Variants in PLSCR4 observed in about 807,000 individuals in gnomAD.
The protein encoded by PLSCR4 is Ca(2+)-dependent phospholipid scramblase 4.
A neutral mutation model predicts 36.3 loss-of-function variants in PLSCR4; 25 were observed. That is an observed-to-expected ratio of 0.69 (90% CI 0.50 to 0.96). The LOEUF (loss-of-function observed/expected upper bound fraction) is 0.96, where lower values mean the gene tolerates loss of function less well. Among genes scored for constraint, PLSCR4 ranks in the 40% least tolerant of loss-of-function variants. The probability of loss-of-function intolerance (pLI) is 0.00; values close to 1 mark genes in which losing one functional copy is unlikely to be tolerated. For synonymous variants in PLSCR4, 122 were observed against 132.9 expected (o/e 0.92, Z 0.56); for missense variants, 408 against 414.7 (o/e 0.98, Z 0.14).
At chr3:146,196,835 T>C (rs768059608) in intron 6 of PLSCR4, 42 bp from the exon 7 acceptor site, 4 of 1,563,018 alleles carry the variant, frequency 2.6e-6, no homozygotes, top group Non-Finnish European at 3.5e-6. Context: ...GCTACATGCA[T>C]ACACATACAC....
At chr3:146,233,836 C>T (rs1300692984) in intron 1 of PLSCR4, among the ~76,000 whole-genome samples, 3 of 152,108 alleles carry the variant, frequency 2.0e-5, no homozygotes, top group African/African-American at 7.2e-5. Context: ...TAGTTGCTGC[C>T]TTCTCCTTCA....
intron 1 of PLSCR4, among the ~76,000 whole-genome samples, chr3:146,243,334 T>C (rs1197502006): frequency 6.6e-6 from 1 of 152,068 alleles, no homozygotes; most frequent in Non-Finnish European, 1.5e-5. Flanking sequence ...TGATCCTGAC[T>C]ATGCTCCAAA....
chr3:146,206,203 C>T (rs1399913741), intron 4 of PLSCR4, among the ~76,000 whole-genome samples: 2 of 152,012 alleles, frequency 1.3e-5, no homozygotes, highest in Non-Finnish European at 2.9e-5. Flanking sequence ...TAACTGTTTA[C>T]TTCTAAGCAA....
At position 146,193,369 on chromosome 3, in the gene PLSCR4, T is replaced by C. The variant is rs1352407840; in HGVS notation, c.*1042A>G. The C allele has an allele frequency of 6.6e-6, 1 of 152,146 alleles. No individual in the cohort carries two copies. The highest frequency in any genetic ancestry group is 1.5e-5 in the Non-Finnish European group (1 of 68,012). The allele number at this position is 152,146 out of a possible 1,614,324, so 9.4% of individuals were successfully genotyped here. A position where few individuals can be genotyped will look rare whatever the true frequency, so the allele number is the denominator to read the frequency against. On this transcript the variant is annotated 3_prime_UTR_variant, in exon 9 of 9. Coordinates refer to ENST00000354952, the MANE Select transcript of PLSCR4 (RefSeq NM_020353.3). ...TTTTTATAAAGTGCTACATAAAATG[T>C]CATATTTCCAAATTTAAAAACATAA...
chr3:146,226,519 T>A (rs919480639), intron 1 of PLSCR4, among the ~76,000 whole-genome samples: 13 of 152,346 alleles, frequency 8.5e-5, no homozygotes, highest in African/African-American at 3.1e-4. Context: ...GGCAAACTTT[T>A]AACAACTGCT....
intron 3 of PLSCR4, among the ~76,000 whole-genome samples, chr3:146,216,873 G>T (rs1275352409): frequency 6.6e-6 from 1 of 152,038 alleles, no homozygotes; most frequent in Admixed American, 6.5e-5. Context: ...GTGGTCTGGG[G>T]TCAACCAATA....
intron 7 of PLSCR4, among the ~76,000 whole-genome samples, chr3:146,196,051 C>T (rs1281839875): frequency 1.3e-5 from 2 of 152,090 alleles, no homozygotes; most frequent in Non-Finnish European, 2.9e-5. Flanking sequence ...CTGTGTCAGA[C>T]TCGTAGGGTA....
chr3:146,238,213 A>C (rs1332844397), intron 1 of PLSCR4, among the ~76,000 whole-genome samples: 2 of 151,846 alleles, frequency 1.3e-5, no homozygotes, highest in East Asian at 3.9e-4. Context: ...ACAAAAAAAA[A>C]AACCCAGGTA....
rs1559896159 is a variant in PLSCR4 at position 146,196,614 on chromosome 3, A to G, written c.786+18T>C. On this transcript the variant is annotated intron_variant, in intron 7 of 8. Coordinates refer to ENST00000354952, the MANE Select transcript of PLSCR4 (RefSeq NM_020353.3). ...GAGTAGGAAAAATATCAGAAACACT[A>G]TTTTTACATAGTTTCACCTCAAAAA... 1 of 1,612,468 alleles carries G rather than the reference A, an allele frequency of 6.2e-7. No homozygotes were observed. The highest frequency in any genetic ancestry group is 1.1e-5 in the South Asian group (1 of 91,038).
rs151254952 is a variant in PLSCR4, at chr3:146,220,653, T to A, written c.118+162A>T. 6.0e-4 allele frequency among the ~76,000 whole-genome samples: 91 copies of A among 152,356 alleles called. 2 individuals are homozygous for A. In the East Asian group the frequency reaches 0.017, roughly 28 times the overall value. On this transcript the variant is annotated intron_variant, in intron 3 of 8. Transcript: ENST00000354952. ...CCTGTAAATCCTATGGCTACAGGAA[T>A]ATATTCTAACTGACATATAGTAAAC...
intron 7 of PLSCR4, 110 bp from the exon 8 acceptor site, chr3:146,195,392 A>G: frequency 3.4e-6 from 3 of 878,612 alleles, no homozygotes; most frequent in Non-Finnish European, 5.3e-6. Context: ...AGACTATGTA[A>G]TTATATAATT....
intron 1 of PLSCR4, among the ~76,000 whole-genome samples, chr3:146,238,559 T>C (rs1168894842): frequency 6.6e-6 from 1 of 151,952 alleles, no homozygotes; most frequent in Non-Finnish European, 1.5e-5. Context: ...TCTCAATAGA[T>C]GACAGAAAAA....
chr3:146,232,298 T>C (rs138914195), intron 1 of PLSCR4, among the ~76,000 whole-genome samples: 137 of 152,322 alleles, frequency 9.0e-4, no homozygotes, highest in African/African-American at 3.2e-3. Context: ...TTCTTCTTTT[T>C]GTTTAGGATC....
intron 1 of PLSCR4, among the ~76,000 whole-genome samples, chr3:146,247,375 TGTA>T (rs2036379171): frequency 6.7e-6 from 1 of 149,098 alleles, no homozygotes; most frequent in African/African-American, 2.4e-5. Flanking sequence ...TCAACATTTT[TGTA>T]GTAGTCAATC....
chr3:146,247,837 C>T (rs2036399684), intron 1 of PLSCR4, among the ~76,000 whole-genome samples: 1 of 152,128 alleles, frequency 6.6e-6, no homozygotes, highest in Non-Finnish European at 1.5e-5. Flanking sequence ...TCCCAGGCTG[C>T]TCTCAAACTC....
At chr3:146,227,903 A>C (rs1364332980) in intron 1 of PLSCR4, among the ~76,000 whole-genome samples, 1 of 152,220 alleles carries the variant, frequency 6.6e-6, no homozygotes, top group African/African-American at 2.4e-5. Context: ...CTGATAGGAG[A>C]TTATATTCTT....
intron 1 of PLSCR4, among the ~76,000 whole-genome samples, chr3:146,223,994 C>A (rs898709759): frequency 6.9e-6 from 1 of 145,882 alleles, no homozygotes; most frequent in Non-Finnish European, 1.5e-5. Context: ...TGGGGCATAC[C>A]AAAAAGTCAG....
chr3:146,212,436 T>G (rs905669393), intron 3 of PLSCR4, among the ~76,000 whole-genome samples: 2 of 15,678 alleles, frequency 1.3e-4, no homozygotes, highest in African/African-American at 1.1e-3. Flanking sequence ...TTTTTTGTTT[T>G]GTTTTTTTTT....
chr3:146,206,199 T>C (rs1050962483), intron 4 of PLSCR4, among the ~76,000 whole-genome samples: 4 of 152,092 alleles, frequency 2.6e-5, no homozygotes, highest in Non-Finnish European at 5.9e-5. Context: ...ATGTTAACTG[T>C]TTACTTCTAA....
Sources: gnomAD v4.1 joint callset for allele counts (sites outside exome capture counted in the v4.1 genomes callset) on GRCh38, gnomAD v4.1.1 for gene constraint, MANE v1.5 for transcripts, NCBI Gene and HGNC (gene_info 2026-07-23, HGNC 2026-07-21) for gene names.